ZBBX: variants seen among roughly 807,000 people sequenced by gnomAD.
ZBBX encodes the protein zinc finger B-box domain-containing protein 1.
ZBBX carries 101 observed loss-of-function variants against 108.5 expected under a neutral mutation model. That is an observed-to-expected ratio of 0.93 (90% CI 0.79 to 1.10). The LOEUF (loss-of-function observed/expected upper bound fraction) is 1.10. ZBBX is among the 50% of genes least tolerant of loss of function. ZBBX has a pLI of 0.00. For synonymous variants in ZBBX, 356 were observed against 323.4 expected, an observed-to-expected ratio of 1.10 and a Z score of -1.08; for missense variants, 1,009 against 941.4, an observed-to-expected ratio of 1.07 and a Z score of -0.94.
chr3:167,275,337 C>T (rs570030566), intron 20 of ZBBX, among the ~76,000 whole-genome samples: 153 of 152,260 alleles, frequency 1.0e-3, no homozygotes, highest in African/African-American at 3.2e-3. Context: ...ACGCAGAAGA[C>T]GGGTGATTTC....
At chr3:167,390,205 A>G (rs566905579) in intron 1 of ZBBX, among the ~76,000 whole-genome samples, 2 of 152,222 alleles carry the variant, frequency 1.3e-5, no homozygotes, top group South Asian at 4.1e-4. Context: ...TCCTAGCACC[A>G]TTTATTAAAT....
chr3:167,210,605 T>C, the ZBBX span, among the ~76,000 whole-genome samples: 2,034 of 152,078 alleles, frequency 0.013, 22 homozygotes, highest in South Asian at 0.026. Context: ...TACGTCAAAA[T>C]ATTTAATAAT....
intron 18 of ZBBX, among the ~76,000 whole-genome samples, chr3:167,296,816 A>G (rs1250378446): frequency 6.6e-6 from 1 of 152,068 alleles, no homozygotes; most frequent in Non-Finnish European, 1.5e-5. Flanking sequence ...TGATCTACAC[A>G]TTCAATATAA....
the ZBBX span, among the ~76,000 whole-genome samples, chr3:167,180,966 A>G: frequency 1.3e-5 from 2 of 152,106 alleles, no homozygotes; most frequent in African/African-American, 4.8e-5. Context: ...TTCCAGGGGG[A>G]ATATGTTGGA....
the ZBBX span, among the ~76,000 whole-genome samples, chr3:167,214,377 C>T: frequency 6.6e-6 from 1 of 152,008 alleles, no homozygotes. Flanking sequence ...TTCAAACCAG[C>T]AAAGATAAAA....
chr3:167,290,849 A>C (rs1730554326), intron 18 of ZBBX, among the ~76,000 whole-genome samples: 2 of 152,208 alleles, frequency 1.3e-5, no homozygotes, highest in East Asian at 3.9e-4. Context: ...TAAATAGTTT[A>C]GAGAAGAACA....
At chr3:167,395,692 C>A (rs1326657813) in intron 1 of ZBBX, among the ~76,000 whole-genome samples, 1 of 151,968 alleles carries the variant, frequency 6.6e-6, no homozygotes, top group Non-Finnish European at 1.5e-5. Context: ...AAGTCACTAT[C>A]AAAAGTACCA....
upstream of ZBBX, among the ~76,000 whole-genome samples, chr3:167,384,545 CT>C (rs111996813): frequency 7.4e-3 from 1,123 of 152,012 alleles, 13 homozygotes; most frequent in African/African-American, 0.026. Flanking sequence ...TGACATAGCT[CT>C]AGTTACTTAG....
chr3:167,388,400 G>C (rs1170233652), intron 1 of ZBBX, among the ~76,000 whole-genome samples: 1 of 151,776 alleles, frequency 6.6e-6, no homozygotes, highest in East Asian at 1.9e-4. Flanking sequence ...TTTAAACAGA[G>C]GAGTGACAAC....
intron 21 of ZBBX, among the ~76,000 whole-genome samples, chr3:167,241,199 G>T (rs1434598225): frequency 5.3e-5 from 8 of 152,088 alleles, no homozygotes; most frequent in African/African-American, 1.9e-4. Flanking sequence ...TGATTCAGAG[G>T]CACTTTAGAA....
At chr3:167,346,232 A>T (rs1741431689) in intron 9 of ZBBX, among the ~76,000 whole-genome samples, 1 of 151,768 alleles carries the variant, frequency 6.6e-6, no homozygotes. Context: ...TCATGCATTT[A>T]TGCCTCATTT....
chr3:167,272,548 G>GA (rs1442024665), intron 20 of ZBBX, among the ~76,000 whole-genome samples: 1 of 152,158 alleles, frequency 6.6e-6, no homozygotes, highest in African/African-American at 2.4e-5. Flanking sequence ...TATTCCAGGG[G>GA]AAAACCCCCT....
In ZBBX at chr3:167,249,773, G is replaced by T. The variant is rs145860763; in HGVS notation, c.2255-7130C>A. Among the ~76,000 whole-genome samples, 363 of 152,246 alleles carry T rather than the reference G, an allele frequency of 2.4e-3. 2 individuals carry two copies. Among genetic ancestry groups the T allele is most frequent in the African/African-American group, 7.3e-3 (305 of 41,536 alleles). On this transcript the variant is annotated intron_variant, in intron 20 of 21. Coordinates refer to ENST00000675490, the MANE Select transcript of ZBBX (RefSeq NM_001199201.2). ...AGAAGCAGGCTGCTCTGTCAGCAGC[G>T]GAGAGATTTGGGGATAAGCTTTCTT... is the stretch of plus-strand genomic sequence containing the variant.
At chr3:167,280,739 C>G (rs59503061) in intron 20 of ZBBX, among the ~76,000 whole-genome samples, 7,572 of 151,490 alleles carry the variant, frequency 0.05, 505 homozygotes, top group African/African-American at 0.15. Flanking sequence ...TTTGACCCAG[C>G]CATCCCATTA....
chr3:167,372,581 A>T (rs1184405252), intron 4 of ZBBX, among the ~76,000 whole-genome samples: 2 of 152,194 alleles, frequency 1.3e-5, no homozygotes, highest in Admixed American at 1.3e-4. Context: ...AATATGTTTA[A>T]CATTCTGTTG....
At chr3:167,278,289 CA>C (rs1314993364) in intron 20 of ZBBX, among the ~76,000 whole-genome samples, 2 of 150,004 alleles carry the variant, frequency 1.3e-5, no homozygotes, top group African/African-American at 4.9e-5. Context: ...AAAAACCCTT[CA>C]AAAAATTAAT....
At chr3:167,285,657 C>T (rs191620190) in intron 19 of ZBBX, among the ~76,000 whole-genome samples, 112 of 152,184 alleles carry the variant, frequency 7.4e-4, no homozygotes, top group African/African-American at 2.6e-3. Flanking sequence ...TCTTAAATTC[C>T]TTCCAACTCT....
At chr3:167,320,005 TGTGTGTGTGTGTGCACGCAC>T (rs1248580214) in intron 12 of ZBBX, among the ~76,000 whole-genome samples, 2 of 150,456 alleles carry the variant, frequency 1.3e-5, no homozygotes, top group African/African-American at 2.4e-5. Flanking sequence ...TGTGGATTTG[TGTGTGTGTGTGTGCACGCAC>T]GTGTGTGTGT....
chr3:167,378,423 G>A (rs1747300709), intron 2 of ZBBX, among the ~76,000 whole-genome samples: 1 of 152,056 alleles, frequency 6.6e-6, no homozygotes. Context: ...TGAATTTAAG[G>A]TCAGAAAACC....
Sources: gnomAD v4.1 joint callset for allele counts (sites outside exome capture counted in the v4.1 genomes callset) on GRCh38, gnomAD v4.1.1 for gene constraint, MANE v1.5 for transcripts, NCBI Gene and HGNC (gene_info 2026-07-23, HGNC 2026-07-21) for gene names.